The following ALK variants were observed in gnomAD, a reference collection of about 807,000 sequenced individuals.
ALK encodes the protein ALK tyrosine kinase receptor.
Under a neutral mutation model 163.1 loss-of-function variants are expected in ALK, and 74 were observed. That is an observed-to-expected ratio of 0.45 (90% CI 0.38 to 0.55). ALK has a LOEUF of 0.55. Ranked by LOEUF, ALK falls within the 20% of genes least tolerant of loss-of-function variation. The pLI is 0.00. For missense variants in ALK, 2,063 were observed against 2,105.3 expected (o/e 0.98, Z 0.39); for synonymous variants, 960 against 843.2 (o/e 1.14, Z -2.40).
At chr2:29,425,623 C>T (rs867616531) in intron 4 of ALK, among the ~76,000 whole-genome samples, 1 of 152,136 alleles carries the variant, frequency 6.6e-6, no homozygotes, top group African/African-American at 2.4e-5. Context: ...AGCACTCTGA[C>T]CATAATGTAG....
chr2:29,906,950 T>G (rs1667566466), intron 1 of ALK, among the ~76,000 whole-genome samples: 4 of 138,758 alleles, frequency 2.9e-5, no homozygotes, highest in Admixed American at 1.5e-4. Context: ...TTTTTTTTTT[T>G]TTTTTTTTTT....
At chr2:29,714,579 C>T (rs1412726239) in intron 2 of ALK, among the ~76,000 whole-genome samples, 1 of 152,114 alleles carries the variant, frequency 6.6e-6, no homozygotes, top group Non-Finnish European at 1.5e-5. Context: ...GTTGTTGATG[C>T]TCACTCTCAC....
At chr2:29,593,250 G>A (rs1675113178) in intron 3 of ALK, among the ~76,000 whole-genome samples, 1 of 152,188 alleles carries the variant, frequency 6.6e-6, no homozygotes, top group Non-Finnish European at 1.5e-5. Flanking sequence ...CAAAGGATAA[G>A]GATGTCAGGA....
chr2:29,585,533 G>C (rs915037961), intron 3 of ALK, among the ~76,000 whole-genome samples: 2 of 152,020 alleles, frequency 1.3e-5, no homozygotes, highest in Admixed American at 6.6e-5. Context: ...TCGCCATGTT[G>C]GTCAGACTGG....
chr2:29,906,213 C>T (rs1667546912), intron 1 of ALK, among the ~76,000 whole-genome samples: 1 of 152,064 alleles, frequency 6.6e-6, no homozygotes, highest in African/African-American at 2.4e-5. Context: ...GGGCTAGAGA[C>T]GTTTGTTTCC....
intron 4 of ALK, among the ~76,000 whole-genome samples, chr2:29,484,132 C>T: frequency 6.6e-6 from 1 of 152,056 alleles, no homozygotes; most frequent in Non-Finnish European, 1.5e-5. Flanking sequence ...TGGATGCCTC[C>T]CACGGGATTA....
intron 1 of ALK, among the ~76,000 whole-genome samples, chr2:29,816,431 C>CTTA (rs944449397): frequency 2.4e-4 from 36 of 151,982 alleles, no homozygotes; most frequent in Non-Finnish European, 4.0e-4. Flanking sequence ...TCCAATAGAC[C>CTTA]TTATTATTAT....
At chr2:29,818,797 C>T (rs1023389155) in intron 1 of ALK, among the ~76,000 whole-genome samples, 7 of 152,196 alleles carry the variant, frequency 4.6e-5, no homozygotes, top group African/African-American at 1.7e-4. Context: ...TAGTAATATG[C>T]AGCTTGACAC....
At chr2:29,741,385 T>A (rs1680053981) in intron 1 of ALK, among the ~76,000 whole-genome samples, 1 of 152,208 alleles carries the variant, frequency 6.6e-6, no homozygotes, top group Non-Finnish European at 1.5e-5. Flanking sequence ...GGTGTGAATG[T>A]TGACAGTGGG....
chr2:29,402,072 GATC>G (rs972664102), intron 4 of ALK, among the ~76,000 whole-genome samples: 10 of 152,238 alleles, frequency 6.6e-5, no homozygotes, highest in African/African-American at 2.4e-4. Context: ...CTTCACAAGA[GATC>G]AGTGGAGGAA....
At chr2:29,790,615 G>C (rs1433574357) in intron 1 of ALK, among the ~76,000 whole-genome samples, 1 of 152,102 alleles carries the variant, frequency 6.6e-6, no homozygotes, top group Non-Finnish European at 1.5e-5. Context: ...ATGGAGTCTT[G>C]CTCTGTCACC....
intron 3 of ALK, among the ~76,000 whole-genome samples, chr2:29,655,623 C>T (rs1222549647): frequency 6.6e-6 from 1 of 152,118 alleles, no homozygotes; most frequent in Non-Finnish European, 1.5e-5. Context: ...GGCTTAGGCC[C>T]ATGATCTCTG....
At chr2:29,494,236 G>A (rs904998741) in intron 4 of ALK, among the ~76,000 whole-genome samples, 5 of 152,184 alleles carry the variant, frequency 3.3e-5, no homozygotes, top group African/African-American at 9.7e-5. Flanking sequence ...TAAGATTTGT[G>A]ATAATAATAG....
chr2:29,397,081 T>C (rs1195247586), intron 4 of ALK, among the ~76,000 whole-genome samples: 1 of 152,052 alleles, frequency 6.6e-6, no homozygotes, highest in Non-Finnish European at 1.5e-5. Context: ...GTATCATTGT[T>C]TGAATTGTGA....
At chr2:29,199,716 G>T (rs907676580) in intron 26 of ALK, among the ~76,000 whole-genome samples, 2 of 151,914 alleles carry the variant, frequency 1.3e-5, no homozygotes, top group African/African-American at 2.4e-5. Flanking sequence ...TTTCTCATTT[G>T]TTTTTTTAAA....
At chr2:29,392,637 C>T (rs1359674878) in intron 4 of ALK, among the ~76,000 whole-genome samples, 1 of 152,116 alleles carries the variant, frequency 6.6e-6, no homozygotes, top group African/African-American at 2.4e-5. Context: ...GTGTACCAGG[C>T]CAGAAGGTAG....
chr2:29,721,097 T>C (rs1303600595), intron 1 of ALK, among the ~76,000 whole-genome samples: 2 of 152,214 alleles, frequency 1.3e-5, no homozygotes, highest in African/African-American at 4.8e-5. Flanking sequence ...GAAGGCATTA[T>C]TGATTTGCTA....
At position 29,806,923 on chromosome 2, in the gene ALK, T is replaced by C. The variant is rs533123806; in HGVS notation, c.668-89226A>G. Among the ~76,000 whole-genome samples the C allele has an allele frequency of 1.2e-4, 18 of 152,208 alleles. 1 individual carries two copies. Among genetic ancestry groups the C allele is most frequent in the African/African-American group, 3.4e-4 (14 of 41,540 alleles). ...AAGACCACAGGTCTGTGTTAGACAA[T>C]TGTAAGGAAAAACATAGATGTGTGC... On this transcript the variant is annotated intron_variant, in intron 1 of 28. Transcript: ENST00000389048.
intron 1 of ALK, among the ~76,000 whole-genome samples, chr2:29,768,684 A>C (rs550312316): frequency 5.6e-4 from 84 of 150,794 alleles, no homozygotes; most frequent in African/African-American, 2.0e-3. Flanking sequence ...TAGTTTAACA[A>C]AATTATAATT....
Sources: gnomAD v4.1 joint callset for allele counts (sites outside exome capture counted in the v4.1 genomes callset) on GRCh38, gnomAD v4.1.1 for gene constraint, MANE v1.5 for transcripts, NCBI Gene and HGNC (gene_info 2026-07-23, HGNC 2026-07-21) for gene names.